MIOS: variants seen among roughly 807,000 people sequenced by gnomAD.
MIOS encodes the protein meiosis regulator for oocyte development, also known as GATOR2 complex protein MIOS.
Under a neutral mutation model 96.9 loss-of-function variants are expected in MIOS, and 52 were observed. The observed-to-expected ratio is 0.54, with a 90% CI of 0.43 to 0.68. The LOEUF (loss-of-function observed/expected upper bound fraction) is 0.68. Among genes scored for constraint, MIOS ranks in the 30% least tolerant of loss-of-function variants. The probability of loss-of-function intolerance (pLI) is 0.00; values close to 1 mark genes in which losing one functional copy is unlikely to be tolerated. For missense variants in MIOS, 1,005 were observed against 1,052.8 expected (o/e 0.95, Z 0.63); for synonymous variants, 397 against 359.5 (o/e 1.10, Z -1.18).
At position 7,576,837 on chromosome 7, in the gene MIOS, G is replaced by C. The variant is rs1450374308; in HGVS notation, c.1393+2641G>C. ...GCTAGAGAAATGTGGATACATTAGA[G>C]AATAGGAGAAAATTTAATGATTAAT... On this transcript the variant is annotated intron_variant, in intron 5 of 12. Transcript: ENST00000340080. 2.0e-5 allele frequency among the ~76,000 whole-genome samples: 3 copies of C among 152,154 alleles called. No homozygotes were observed. In the East Asian group the frequency reaches 5.8e-4, roughly 29 times the overall value.
At position 7,597,769 on chromosome 7, in the gene MIOS, G is replaced by T. The variant is rs1419395952; in HGVS notation, c.2401+1308G>T. Among the ~76,000 whole-genome samples the T allele has an allele frequency of 2.0e-5, 3 of 151,504 alleles. No individual in the cohort carries two copies. In the East Asian group the frequency reaches 5.9e-4, roughly 30 times the overall value. ...GATAGAATGCAGTGGCATGATCTCG[G>T]CTCACGGCAACCTCTGCCTACTGCC... On this transcript the variant is annotated intron_variant, in intron 11 of 12. Transcript: ENST00000340080.
At position 7,589,392 on chromosome 7, in the gene MIOS, T is replaced by G; in HGVS notation, c.1885-13T>G. 6.2e-7 allele frequency: 1 copy of G among 1,611,218 alleles called. No homozygotes were observed. Among genetic ancestry groups the G allele is most frequent in the Non-Finnish European group, 8.5e-7 (1 of 1,178,198 alleles). ...AACAGATTGCTTTAGAAAAATCACTTTAAATTTTCCAGTTAAATAGATACA... is the reference window on the plus strand; with the variant it reads ...AACAGATTGCTTTAGAAAAATCACTGTAAATTTTCCAGTTAAATAGATACA... On this transcript the variant is annotated splice_polypyrimidine_tract_variant and intron_variant, in intron 8 of 12. Coordinates refer to ENST00000340080, the MANE Select transcript of MIOS (RefSeq NM_019005.4).
chr7:7,567,338 C>G (rs1448246831), intron 1 of MIOS: 2 of 152,192 alleles, frequency 1.3e-5, no homozygotes, highest in Non-Finnish European at 2.9e-5. Flanking sequence ...TTGTGGGGAG[C>G]GGCGTCCCAG....
chr7:7,573,491 T>G lies in MIOS; in HGVS notation c.1016T>G (p.Ile339Arg). 1 of 1,614,148 alleles carries G rather than the reference T, an allele frequency of 6.2e-7. No homozygotes were observed. Among genetic ancestry groups the G allele is most frequent in the Non-Finnish European group, 8.5e-7 (1 of 1,179,974 alleles). ...CATCCAACAAGTCAAAATCGAATGA[T>G]AGTTGTAACTCCCAACCGAACAATG... Reference protein sequence around the residue: ...AWHPTSQNRMIVVTPNRTMSD... With the variant: ...AWHPTSQNRMRVVTPNRTMSD... The change falls in exon 4 of 13, where the codon ATA (isoleucine) becomes AGA (arginine). Residue 339 changes from isoleucine to arginine, a missense_variant. Physicochemically the swap from Ile to Arg is moderately conservative, Grantham distance 97 (BLOSUM62 -3). Around this residue, in one of 3 missense-constraint regions of MIOS, gnomAD observed 865 missense variants for 887.9 expected, o/e 0.97. Coordinates refer to ENST00000340080, the MANE Select transcript of MIOS (RefSeq NM_019005.4). This position sits in a 1 kb window ranked among gnomAD's most constrained non-coding sequence, Gnocchi z 5.0.
At chr7:7,603,412 G>T (rs1032375851) in intron 11 of MIOS, among the ~76,000 whole-genome samples, 2 of 152,150 alleles carry the variant, frequency 1.3e-5, no homozygotes, top group Non-Finnish European at 2.9e-5. Context: ...GATATGAACA[G>T]ACACTTCTCA....
At position 7,588,529 on chromosome 7, in the gene MIOS, T is replaced by C. The variant is rs1449583368; in HGVS notation, c.1850T>C (p.Val617Ala). 6.3e-7 allele frequency: 1 copy of C among 1,593,900 alleles called. No individual in the cohort carries two copies. ...YENKVAVRDR[V>A]AFACKFLSDT... ...AACAAAGTTGCAGTACGTGACAGAG[T>C]GGCATTTGCTTGTAAATTCCTTAGT... Residue 617 changes from valine (V) to alanine (A), a missense_variant, in exon 8 of 13, where the codon GTG becomes GCG. Val to Ala is a moderately conservative substitution (Grantham distance 64). Transcript: ENST00000340080.
chr7:7,568,320 A>T (rs537802336), intron 3 of MIOS, among the ~76,000 whole-genome samples, 197 bp downstream of exon 3: 1 of 152,260 alleles, frequency 6.6e-6, no homozygotes, highest in East Asian at 1.9e-4. Context: ...AATGGGATAG[A>T]TTTTATCTCG....
intron 5 of MIOS, among the ~76,000 whole-genome samples, chr7:7,578,409 C>G (rs557365934): frequency 2.6e-5 from 4 of 152,064 alleles, no homozygotes; most frequent in African/African-American, 9.7e-5. Context: ...TCTACAGTTC[C>G]GGCTACTCAG....
At chr7:7,583,904 T>C in intron 6 of MIOS, among the ~76,000 whole-genome samples, 1 of 152,232 alleles carries the variant, frequency 6.6e-6, no homozygotes, top group Admixed American at 6.5e-5. Flanking sequence ...TCATTTAGTA[T>C]TTTTTAAAAA....
rs1784585800 is a variant in MIOS at position 7,608,373 on chromosome 7, T to C, written c.*1281T>C. The C allele has an allele frequency of 6.6e-6, 1 of 152,062 alleles. No individual in the cohort carries two copies. Among genetic ancestry groups the C allele is most frequent in the Non-Finnish European group, 1.5e-5 (1 of 67,940 alleles). 9.4% of individuals were successfully genotyped at this position (152,062 alleles called of 1,614,324 possible). ...CTTTCGTATTAGCAGTTTTGCCTTATAAAAACTAAGATTTGTCAGATTAGT... is the reference window on the plus strand; with the variant it reads ...CTTTCGTATTAGCAGTTTTGCCTTACAAAAACTAAGATTTGTCAGATTAGT... On this transcript the variant is annotated 3_prime_UTR_variant, in exon 13 of 13. Coordinates refer to ENST00000340080, the MANE Select transcript of MIOS (RefSeq NM_019005.4).
chr7:7,595,023 G>T lies in MIOS; in HGVS notation c.2087G>T (p.Trp696Leu). 6.2e-7 allele frequency: 1 copy of T among 1,613,612 alleles called. No homozygotes were observed. Among genetic ancestry groups the T allele is most frequent in the Non-Finnish European group, 8.5e-7 (1 of 1,179,646 alleles). The change falls in exon 10 of 13, where the codon TGG becomes TTG. Residue 696 changes from tryptophan to leucine, a missense_variant. Coordinates refer to ENST00000340080, the MANE Select transcript of MIOS (RefSeq NM_019005.4). ...DVLKDERVQY[W>L]IENYRNLLDA... is the part of the protein sequence containing the mutation. Reference sequence around the variant, plus strand: ...CTTAAAGATGAAAGGGTTCAGTACTGGATTGAGAATTATAGAAATTTATTA... The same window carrying T: ...CTTAAAGATGAAAGGGTTCAGTACTTGATTGAGAATTATAGAAATTTATTA...
chr7:7,601,562 A>G (rs1040238317), intron 11 of MIOS, among the ~76,000 whole-genome samples: 18 of 152,224 alleles, frequency 1.2e-4, no homozygotes, highest in African/African-American at 4.1e-4. Context: ...ACAGGATCTG[A>G]AATTGAGGCA....
rs1783448773 is a variant in MIOS, at chr7:7,574,105, G to A, written c.1302G>A (p.Lys434=). 4 of 1,601,800 alleles carry A rather than the reference G, an allele frequency of 2.5e-6. No homozygotes were observed. Among genetic ancestry groups the A allele is most frequent in the Non-Finnish European group, 3.4e-6 (4 of 1,172,350 alleles). The part of the protein sequence containing the change: ...KSLWYTLHFM[K]QYTEDMDQKS... ...TCCTATGCATTTAAATACTTATGAA[G>A]CAATACACAGAAGATATGGATCAGA... The change falls in exon 5 of 13, where the codon AAG becomes AAA. Residue 434 remains lysine (K), a synonymous_variant. Coordinates refer to ENST00000340080, the MANE Select transcript of MIOS (RefSeq NM_019005.4).
At chr7:7,574,428 A>C (rs1293841246) in intron 5 of MIOS, among the ~76,000 whole-genome samples, 1 of 152,134 alleles carries the variant, frequency 6.6e-6, no homozygotes, top group East Asian at 1.9e-4. Flanking sequence ...TGATCTTCTT[A>C]AATCTATCCA....
At position 7,588,582 on chromosome 7, in the gene MIOS, C is replaced by T. The variant is rs776307899; in HGVS notation, c.1884+19C>T. 6.6e-7 allele frequency: 1 copy of T among 1,525,032 alleles called. No homozygotes were observed. The highest frequency in any genetic ancestry group is 1.3e-5 in the South Asian group (1 of 78,678). 94.5% of individuals were successfully genotyped at this position (1,525,032 alleles called of 1,614,324 possible). ...TACTCAGGTGAAAACTGATTTAATT[C>T]CACATTTGAAGTAATTAATATGTAC... On this transcript the variant is annotated intron_variant, in intron 8 of 12. Transcript: ENST00000340080.
chr7:7,599,918 A>G (rs1366594838), intron 11 of MIOS, among the ~76,000 whole-genome samples: 2 of 152,188 alleles, frequency 1.3e-5, no homozygotes, highest in African/African-American at 4.8e-5. Context: ...TAAGCAAACT[A>G]ACACAGGAAC....
chr7:7,603,029 G>A (rs1044228016), intron 11 of MIOS, among the ~76,000 whole-genome samples: 44 of 151,716 alleles, frequency 2.9e-4, no homozygotes, highest in Middle Eastern at 3.4e-3. Flanking sequence ...GTAGAAAGCT[G>A]AAACTGGATC....
intron 11 of MIOS, among the ~76,000 whole-genome samples, chr7:7,603,510 A>T (rs898206471): frequency 6.6e-6 from 1 of 152,220 alleles, no homozygotes. Context: ...AACCACAATG[A>T]GATACCATCT....
chr7:7,601,294 G>C (rs9639033), intron 11 of MIOS, among the ~76,000 whole-genome samples: 87,738 of 150,134 alleles, frequency 0.58, 27,713 homozygotes, highest in Admixed American at 0.72. Context: ...TTTTTTTTTT[G>C]AAAAGATCAA....
Sources: gnomAD v4.1 joint callset for allele counts (sites outside exome capture counted in the v4.1 genomes callset) on GRCh38, gnomAD v4.1.1 for gene constraint, gnomAD v4.1.1 regional missense constraint, Gnocchi (gnomAD v3.1) non-coding constraint, MANE v1.5 for transcripts, NCBI Gene and HGNC (gene_info 2026-07-23, HGNC 2026-07-21) for gene names.